JPH1: variants seen among roughly 807,000 people sequenced by gnomAD.
The protein encoded by JPH1 is junctophilin 1.
In JPH1, 12 loss-of-function variants were observed where a neutral mutation model predicts 53.6. The observed-to-expected ratio is 0.22, with a 90% CI of 0.14 to 0.36. The LOEUF (loss-of-function observed/expected upper bound fraction) is 0.36, where lower values mean the gene tolerates loss of function less well. Ranked by LOEUF, JPH1 falls within the 10% of genes least tolerant of loss-of-function variation. The pLI is 1.00. For missense variants in JPH1, 808 were observed against 905.5 expected (o/e 0.89, Z 1.38); for synonymous variants, 375 against 363.8 (o/e 1.03, Z -0.35).
chr8:74,289,869 C>T (rs963875403), intron 2 of JPH1, among the ~76,000 whole-genome samples: 6 of 152,146 alleles, frequency 3.9e-5, no homozygotes, highest in Admixed American at 2.6e-4. Flanking sequence ...TGATGGATGA[C>T]ATTTGTTGAT....
In JPH1 at chr8:74,320,994, C is replaced by T. The variant is rs756493606; in HGVS notation, c.294G>A (p.Gln98=). ...CGTAGCGAGCGGGGGTGCACAGGCT[C>T]TGCCGGACCCCGTAGCGCCCCTTGA... ...HGFKGRYGVR[Q]SLCTPARYEG... Residue 98 remains glutamine (Q), a synonymous_variant, in exon 1 of 6, where the codon CAG becomes CAA. Transcript: ENST00000342232. The surrounding 1 kb of genome is among the most constrained non-coding windows in gnomAD (Gnocchi z 4.4). 2.5e-6 allele frequency: 4 copies of T among 1,612,942 alleles called. No homozygotes were observed. Among genetic ancestry groups the T allele is most frequent in the Non-Finnish European group, 3.4e-6 (4 of 1,179,568 alleles).
chr8:74,252,837 A>G (rs1306461399), intron 3 of JPH1, among the ~76,000 whole-genome samples: 1 of 152,004 alleles, frequency 6.6e-6, no homozygotes, highest in African/African-American at 2.4e-5. Flanking sequence ...AACAAGAAGA[A>G]CTAACTATCC....
At chr8:74,262,310 T>A (rs1049740415) in intron 2 of JPH1, among the ~76,000 whole-genome samples, 5 of 152,222 alleles carry the variant, frequency 3.3e-5, no homozygotes, top group African/African-American at 1.2e-4. Context: ...CTCTGGCTCA[T>A]GTTAGTGAAT....
At chr8:74,299,037 G>C (rs78136244) in intron 2 of JPH1, among the ~76,000 whole-genome samples, 1,620 of 152,232 alleles carry the variant, frequency 0.011, 23 homozygotes, top group African/African-American at 0.037. Context: ...ATGAACACTG[G>C]TGACCTTTAC....
intron 2 of JPH1, among the ~76,000 whole-genome samples, chr8:74,286,282 A>G (rs1398410614): frequency 6.6e-6 from 1 of 152,138 alleles, no homozygotes; most frequent in Non-Finnish European, 1.5e-5. Context: ...TTAATTTTTA[A>G]TATTTATAAT....
At chr8:74,313,803 T>C (rs1238249973) in intron 2 of JPH1, among the ~76,000 whole-genome samples, 1 of 152,214 alleles carries the variant, frequency 6.6e-6, no homozygotes, top group Non-Finnish European at 1.5e-5. Context: ...TATGCTACAT[T>C]TATGCTTCAA....
At chr8:74,293,203 T>C (rs1436904908) in intron 2 of JPH1, among the ~76,000 whole-genome samples, 2 of 152,160 alleles carry the variant, frequency 1.3e-5, no homozygotes, top group Non-Finnish European at 2.9e-5. Flanking sequence ...AAAAAATATA[T>C]ATTATGACCT....
chr8:74,249,211 C>A (rs1481545241), intron 3 of JPH1, among the ~76,000 whole-genome samples: 1 of 152,104 alleles, frequency 6.6e-6, no homozygotes, highest in Non-Finnish European at 1.5e-5. Flanking sequence ...GCAGAAGCAC[C>A]ATAAAGATTC....
intron 2 of JPH1, among the ~76,000 whole-genome samples, chr8:74,268,326 T>C (rs1480425454): frequency 6.6e-6 from 1 of 152,142 alleles, no homozygotes; most frequent in Non-Finnish European, 1.5e-5. Context: ...TGATTCTGCA[T>C]TGTTCTCCAG....
chr8:74,264,327 A>G (rs1806474465), intron 2 of JPH1, among the ~76,000 whole-genome samples: 1 of 152,052 alleles, frequency 6.6e-6, no homozygotes, highest in African/African-American at 2.4e-5. Flanking sequence ...TTTTAAAGAG[A>G]TAGGACGTGG....
chr8:74,241,611 A>G (rs1037553525), intron 4 of JPH1, among the ~76,000 whole-genome samples: 8 of 152,226 alleles, frequency 5.3e-5, no homozygotes, highest in African/African-American at 9.6e-5. Flanking sequence ...ATTTTCTGCT[A>G]GAAGAGTTAC....
rs538209406 is a variant in JPH1, at chr8:74,241,053, AT to A, written c.1905+3475del. Among the ~76,000 whole-genome samples the A allele has an allele frequency of 9.1e-4, 138 of 152,204 alleles. 1 individual carries two copies. Among genetic ancestry groups the A allele is most frequent in the Non-Finnish European group, 1.7e-3 (117 of 68,006 alleles). On this transcript the variant is annotated intron_variant, in intron 4 of 5. Coordinates refer to ENST00000342232, the MANE Select transcript of JPH1 (RefSeq NM_020647.4). The stretch of plus-strand genomic sequence containing the variant: ...CAAAATGAAAAATACATACATATAT[AT>A]TTTTTTCTTTTGCACGCATACACAC...
In JPH1 at chr8:74,320,635, TGGCGCC is replaced by T. The variant is rs944560241; in HGVS notation, c.379+268_379+273del. Among the ~76,000 whole-genome samples the T allele has an allele frequency of 9.2e-4, 140 of 152,258 alleles. No homozygotes were observed. Among genetic ancestry groups the T allele is most frequent in the African/African-American group, 3.3e-3 (138 of 41,574 alleles). On this transcript the variant is annotated intron_variant, in intron 1 of 5. Coordinates refer to ENST00000342232, the MANE Select transcript of JPH1 (RefSeq NM_020647.4). This position sits in a 1 kb window ranked among gnomAD's most constrained non-coding sequence, Gnocchi z 4.4. ...CTCCCTCCCGGTGGCAGCGCAGCGCTGGCGCCGGCCAGGTACATTCACGCCTAGCTC... is the reference window on the plus strand; with the variant it reads ...CTCCCTCCCGGTGGCAGCGCAGCGCTGGCCAGGTACATTCACGCCTAGCTC...
At chr8:74,260,127 C>A (rs1806349245) in intron 2 of JPH1, among the ~76,000 whole-genome samples, 1 of 152,232 alleles carries the variant, frequency 6.6e-6, no homozygotes, top group South Asian at 2.1e-4. Context: ...AAGGCCCGCT[C>A]TAAGAACATG....
intron 2 of JPH1, among the ~76,000 whole-genome samples, chr8:74,272,281 C>A (rs930183721): frequency 2.0e-5 from 3 of 152,166 alleles, no homozygotes; most frequent in Non-Finnish European, 2.9e-5. Context: ...ACATTATTTG[C>A]TACTCTGGGC....
In JPH1 at chr8:74,237,312, G is replaced by GA. The variant is rs1475661659; in HGVS notation, c.1906-10dup. On this transcript the variant is annotated splice_polypyrimidine_tract_variant and intron_variant, in intron 4 of 5. Coordinates refer to ENST00000342232, the MANE Select transcript of JPH1 (RefSeq NM_020647.4). Reference sequence around the variant, plus strand: ...ATGATTGAATTAGGGCCCTGAAAATGAAAGAGAACAAAGTAACTATAACTT... The same window carrying GA: ...ATGATTGAATTAGGGCCCTGAAAATGAAAAGAGAACAAAGTAACTATAACTT... 15 of 1,602,990 alleles carry GA rather than the reference G, an allele frequency of 9.4e-6. No homozygotes were observed. The highest frequency in any genetic ancestry group is 1.3e-5 in the Non-Finnish European group (15 of 1,172,660).
rs768371889 is a variant in JPH1 at position 74,321,042 on chromosome 8, G to A, written c.246C>T (p.Tyr82=). 6 of 1,613,420 alleles carry A rather than the reference G, an allele frequency of 3.7e-6. No homozygotes were observed. Among genetic ancestry groups the A allele is most frequent in the Non-Finnish European group, 5.1e-6 (6 of 1,179,730 alleles). The stretch of plus-strand genomic sequence containing the variant: ...TGAAACCATGTGACCACTCCCCCCG[G>A]TACATCCACTTGCCCTTCGTCTCCA... ...LGVETKGKWM[Y]RGEWSHGFKG... is the part of the protein sequence containing the mutation. The change falls in exon 1 of 6, where the codon TAC becomes TAT. Residue 82 remains tyrosine (Y), a synonymous_variant. Transcript: ENST00000342232. The surrounding 1 kb of genome is among the most constrained non-coding windows in gnomAD (Gnocchi z 4.3).
intron 4 of JPH1, among the ~76,000 whole-genome samples, chr8:74,241,454 G>A (rs1000378648): frequency 2.6e-5 from 4 of 152,132 alleles, no homozygotes; most frequent in African/African-American, 9.7e-5. Flanking sequence ...GCTGTAGCAG[G>A]GCACAGGGTA....
intron 2 of JPH1, among the ~76,000 whole-genome samples, chr8:74,312,208 T>C (rs1808016533): frequency 6.6e-6 from 1 of 152,246 alleles, no homozygotes; most frequent in African/African-American, 2.4e-5. Flanking sequence ...ATTTTATTTA[T>C]TGTTGTAAGA....
Sources: gnomAD v4.1 joint callset for allele counts (sites outside exome capture counted in the v4.1 genomes callset) on GRCh38, gnomAD v4.1.1 for gene constraint, Gnocchi (gnomAD v3.1) non-coding constraint, MANE v1.5 for transcripts, NCBI Gene and HGNC (gene_info 2026-07-23, HGNC 2026-07-21) for gene names.